TMOD1: variants seen among roughly 807,000 people sequenced by gnomAD.
The protein encoded by TMOD1 is tropomodulin 1.
Under a neutral mutation model 40.6 loss-of-function variants are expected in TMOD1, and 17 were observed. That is an observed-to-expected ratio of 0.42 (90% CI 0.29 to 0.63). The LOEUF (loss-of-function observed/expected upper bound fraction) is 0.63, where lower values mean the gene tolerates loss of function less well. TMOD1 is among the 20% of genes least tolerant of loss of function. The pLI is 0.22. For missense variants in TMOD1, 391 were observed against 447.6 expected, an observed-to-expected ratio of 0.87 and a Z score of 1.14; for synonymous variants, 181 against 175.0, an observed-to-expected ratio of 1.03 and a Z score of -0.27.
chr9:97,598,987 C>T (rs190151469), intron 9 of TMOD1, among the ~76,000 whole-genome samples: 2 of 152,312 alleles, frequency 1.3e-5, no homozygotes, highest in African/African-American at 4.8e-5. Flanking sequence ...TTACAACAAA[C>T]AGAGCCCCTC....
chr9:97,559,797 A>C (rs572100219), intron 4 of TMOD1, among the ~76,000 whole-genome samples: 21,025 of 57,226 alleles, frequency 0.37, 3,043 homozygotes, highest in South Asian at 0.55. Flanking sequence ...AAAAAAAAAT[A>C]TATATATATA....
intron 7 of TMOD1, among the ~76,000 whole-genome samples, chr9:97,567,280 G>A (rs1830742402): frequency 6.6e-6 from 1 of 152,164 alleles, no homozygotes; most frequent in African/African-American, 2.4e-5. Context: ...ATCCATTCTG[G>A]CCCTCAGCTC....
intron 2 of TMOD1, among the ~76,000 whole-genome samples, chr9:97,545,575 G>C (rs2034939196): frequency 6.6e-6 from 1 of 152,204 alleles, no homozygotes; most frequent in South Asian, 2.1e-4. Context: ...GAAGGCAGCG[G>C]GTAGGGCCAG....
chr9:97,541,327 G>A (rs1438831128), intron 2 of TMOD1, among the ~76,000 whole-genome samples: 2 of 151,718 alleles, frequency 1.3e-5, no homozygotes, highest in African/African-American at 2.4e-5. Context: ...AGCTGGGACT[G>A]CAGATGTGCG....
In TMOD1 at chr9:97,601,497, C is replaced by T; in HGVS notation, c.*1799C>T. ...AAAGCAGAGCTATCAGAGGAAATCT[C>T]TCATAGAAACGAAACCAAACCAACA... On this transcript the variant is annotated 3_prime_UTR_variant, in exon 10 of 10. Coordinates refer to ENST00000259365, the MANE Select transcript of TMOD1 (RefSeq NM_003275.4). 5.1e-6 allele frequency: 5 copies of T among 989,800 alleles called. No individual in the cohort carries two copies. The highest frequency in any genetic ancestry group is 6.0e-6 in the Non-Finnish European group (5 of 832,574). The allele number at this position is 989,800 out of a possible 1,614,324, so 61.3% of individuals were successfully genotyped here.
At chr9:97,514,240 T>TGGG (rs542229716) in intron 1 of TMOD1, among the ~76,000 whole-genome samples, 10 of 87,858 alleles carry the variant, frequency 1.1e-4, no homozygotes, top group South Asian at 4.5e-4. Flanking sequence ...GTTTTTTTTT[T>TGGG]GGGGGGGGGG....
chr9:97,581,264 G>T (rs1480771698), intron 8 of TMOD1, among the ~76,000 whole-genome samples: 1 of 143,738 alleles, frequency 7.0e-6, no homozygotes. Flanking sequence ...TTGTTCTTGC[G>T]ATAGTTTACT....
intron 1 of TMOD1, among the ~76,000 whole-genome samples, chr9:97,517,356 A>C (rs1380429092): frequency 2.0e-5 from 3 of 152,080 alleles, no homozygotes; most frequent in Non-Finnish European, 4.4e-5. Flanking sequence ...AAAGTTTAAA[A>C]TAAGAGAAAG....
At chr9:97,501,636 C>A, upstream of TMOD1, 1 of 149,050 alleles carries the variant, frequency 6.7e-6, no homozygotes, top group South Asian at 1.8e-4. Context: ...CCCCCGAGCC[C>A]ACAGCTCCCG....
intron 8 of TMOD1, among the ~76,000 whole-genome samples, chr9:97,576,516 A>G (rs1830941872): frequency 6.6e-6 from 1 of 152,204 alleles, no homozygotes; most frequent in South Asian, 2.1e-4. Flanking sequence ...AACAGTAAGT[A>G]TAGTATGAAT....
At chr9:97,580,018 G>T (rs1825708688) in intron 8 of TMOD1, among the ~76,000 whole-genome samples, 1 of 152,264 alleles carries the variant, frequency 6.6e-6, no homozygotes, top group Middle Eastern at 3.4e-3. Context: ...AGATAAACAG[G>T]CCGAGTAAGG....
At chr9:97,515,240 G>C (rs1829786579) in intron 1 of TMOD1, among the ~76,000 whole-genome samples, 1 of 147,986 alleles carries the variant, frequency 6.8e-6, no homozygotes, top group Non-Finnish European at 1.5e-5. Flanking sequence ...GATCAAGAGA[G>C]AGACCATGGG....
At chr9:97,598,819 C>A (rs1826178019) in intron 9 of TMOD1, among the ~76,000 whole-genome samples, 1 of 152,136 alleles carries the variant, frequency 6.6e-6, no homozygotes, top group Non-Finnish European at 1.5e-5. Flanking sequence ...CTTTTTTTCC[C>A]TCCACCATAG....
At chr9:97,530,394 A>T (rs1480425572) in intron 2 of TMOD1, among the ~76,000 whole-genome samples, 3 of 152,182 alleles carry the variant, frequency 2.0e-5, no homozygotes, top group African/African-American at 7.2e-5. Context: ...AGCTGTCAGG[A>T]ATCTGTGACA....
chr9:97,591,201 G>A, intron 8 of TMOD1, 90 bp from the exon 9 acceptor site: 2 of 1,371,072 alleles, frequency 1.5e-6, no homozygotes, highest in South Asian at 3.0e-5. Context: ...CACTACTCAA[G>A]AGTTTCTGCA....
At chr9:97,529,843 CAT>C (rs1026016845) in intron 2 of TMOD1, among the ~76,000 whole-genome samples, 5 of 152,210 alleles carry the variant, frequency 3.3e-5, no homozygotes, top group Non-Finnish European at 7.3e-5. Flanking sequence ...GTACAGTTTT[CAT>C]ATGAGTAATA....
At chr9:97,596,416 C>T (rs935818455) in intron 9 of TMOD1, among the ~76,000 whole-genome samples, 1 of 152,192 alleles carries the variant, frequency 6.6e-6, no homozygotes, top group Non-Finnish European at 1.5e-5. Flanking sequence ...CTGACTCTTA[C>T]ATGGCACTTA....
intron 1 of TMOD1, among the ~76,000 whole-genome samples, chr9:97,511,876 T>G (rs1473447371): frequency 1.3e-5 from 2 of 152,194 alleles, no homozygotes; most frequent in East Asian, 3.8e-4. Context: ...TGAGTCACTG[T>G]GCCCAGCTGG....
intron 1 of TMOD1, among the ~76,000 whole-genome samples, chr9:97,511,328 G>A (rs1032761612): frequency 6.6e-6 from 1 of 152,178 alleles, no homozygotes; most frequent in African/African-American, 2.4e-5. Flanking sequence ...AAACAAGTCT[G>A]TTAACAATAG....
Sources: allele counts gnomAD v4.1 joint callset (sites outside exome capture counted in the v4.1 genomes callset), GRCh38; gene constraint gnomAD v4.1.1; transcripts MANE v1.5; gene names NCBI Gene and HGNC (gene_info 2026-07-23, HGNC 2026-07-21).